RBFOX1: variants seen among roughly 807,000 people sequenced by gnomAD.
RBFOX1 encodes RNA binding fox-1 homolog 1, also known as RNA binding protein fox-1 homolog 1.
A neutral mutation model predicts 57.7 loss-of-function variants in RBFOX1; 8 were observed. That is an observed-to-expected ratio of 0.14 (90% CI 0.08 to 0.25). The LOEUF (loss-of-function observed/expected upper bound fraction) is 0.25. RBFOX1 is among the 10% of genes least tolerant of loss of function. The pLI, the probability that RBFOX1 is intolerant of heterozygous loss-of-function variation, is 1.00. For synonymous variants in RBFOX1, 326 were observed against 222.4 expected (o/e 1.47, Z -4.15); for missense variants, 611 against 548.5 (o/e 1.11, Z -1.14).
intron 3 of RBFOX1, among the ~76,000 whole-genome samples, chr16:5,610,087 T>G (rs2047721534): frequency 6.6e-6 from 1 of 152,194 alleles, no homozygotes; most frequent in Non-Finnish European, 1.5e-5. Context: ...TTTACTTACT[T>G]GCCGGCTTGC....
rs147535165 is a variant in RBFOX1 at position 6,580,121 on chromosome 16, G to C, written c.-63-74482G>C. On this transcript the variant is annotated intron_variant, in intron 2 of 15. Transcript: ENST00000550418. ...TTACAGGTGCCCACCACCGCACCTAGCTAACTTTTGTGTTTTTAGAAGAGA... is the reference window on the plus strand; with the variant it reads ...TTACAGGTGCCCACCACCGCACCTACCTAACTTTTGTGTTTTTAGAAGAGA... Among the ~76,000 whole-genome samples, 353 of 152,096 alleles carry C rather than the reference G, an allele frequency of 2.3e-3. 3 individuals are homozygous for C. Among genetic ancestry groups the C allele is most frequent in the Non-Finnish European group, 3.4e-3 (228 of 68,000 alleles).
At chr16:6,836,902 C>A (rs979808326) in intron 3 of RBFOX1, among the ~76,000 whole-genome samples, 35 of 152,058 alleles carry the variant, frequency 2.3e-4, no homozygotes, top group Admixed American at 6.6e-5. Flanking sequence ...ATTGAATCAG[C>A]GTTGCCAAGC....
intron 3 of RBFOX1, among the ~76,000 whole-genome samples, chr16:6,823,806 C>G (rs12598038): frequency 0.076 from 11,617 of 152,156 alleles, 855 homozygotes; most frequent in African/African-American, 0.16. Flanking sequence ...TAGGAGATTC[C>G]TACCTCTGGG....
intron 3 of RBFOX1, among the ~76,000 whole-genome samples, chr16:6,962,191 A>G (rs1294180026): frequency 2.0e-5 from 3 of 152,110 alleles, no homozygotes; most frequent in Admixed American, 6.5e-5. Context: ...TTATGGCAGA[A>G]TGACTCCAAC....
chr16:6,839,339 A>G (rs150818063), intron 3 of RBFOX1, among the ~76,000 whole-genome samples: 3 of 152,262 alleles, frequency 2.0e-5, no homozygotes, highest in East Asian at 1.9e-4. Flanking sequence ...TCACTCTACT[A>G]TTAACCCCAC....
chr16:6,923,986 A>G (rs1432802465), intron 3 of RBFOX1, among the ~76,000 whole-genome samples: 1 of 151,970 alleles, frequency 6.6e-6, no homozygotes, highest in East Asian at 1.9e-4. Flanking sequence ...CCTGGCCAAC[A>G]TGGTGAAACC....
At chr16:6,643,521 C>T (rs540002659) in intron 2 of RBFOX1, among the ~76,000 whole-genome samples, 2 of 152,218 alleles carry the variant, frequency 1.3e-5, no homozygotes, top group South Asian at 4.1e-4. Flanking sequence ...AAATTTTTAC[C>T]AACATCAGAG....
chr16:7,136,127 A>T (rs1006556524), intron 4 of RBFOX1, among the ~76,000 whole-genome samples: 4 of 152,224 alleles, frequency 2.6e-5, no homozygotes, highest in Non-Finnish European at 5.9e-5. Flanking sequence ...ATTGGCTGGA[A>T]ATGGTTTTCC....
chr16:6,492,468 C>T (rs1475230787), intron 2 of RBFOX1, among the ~76,000 whole-genome samples: 1 of 152,122 alleles, frequency 6.6e-6, no homozygotes, highest in East Asian at 1.9e-4. Flanking sequence ...ATTCAGGAGG[C>T]TGAGGCAGGA....
Position 6,557,737 on chromosome 16 carries a change from G to C in RBFOX1, c.-63-96866G>C, listed in dbSNP as rs1278327268. On this transcript the variant is annotated intron_variant, in intron 2 of 15. Coordinates refer to ENST00000550418, the MANE Select transcript of RBFOX1 (RefSeq NM_018723.4). ...GTTGCATAAGCATTTTCCTTCTTCG[G>C]TATAAATTGATTTGCTGTGAAAAAT... Among the ~76,000 whole-genome samples, 3 of 152,184 alleles carry C rather than the reference G, an allele frequency of 2.0e-5. No homozygotes were observed. In the South Asian group the frequency reaches 6.2e-4, roughly 31 times the overall value.
In RBFOX1 at chr16:5,341,846, C is replaced by A. The variant is rs117645753; in HGVS notation, c.219+101741C>A. On this transcript the variant is annotated intron_variant, in intron 1 of 2. Transcript: ENST00000585867. Reference sequence around the variant, plus strand: ...TTCGGACCATGTTAAGTTTGAGGGGCGAGTTAGGCATCCCAGCAGAGCTGC... The same window carrying A: ...TTCGGACCATGTTAAGTTTGAGGGGAGAGTTAGGCATCCCAGCAGAGCTGC... Among the ~76,000 whole-genome samples, 10 of 152,198 alleles carry A rather than the reference C, an allele frequency of 6.6e-5. No homozygotes were observed. In the East Asian group the frequency reaches 7.8e-4, roughly 12 times the overall value.
intron 2 of RBFOX1, among the ~76,000 whole-genome samples, chr16:5,567,347 T>G (rs1048851837): frequency 1.4e-4 from 22 of 152,310 alleles, no homozygotes; most frequent in African/African-American, 5.3e-4. Flanking sequence ...AGTTACTAGC[T>G]AACGTGTATC....
At position 5,789,930 on chromosome 16, in the gene RBFOX1, TGCG is replaced by T. The variant is rs562479716; in HGVS notation, c.319-77370_319-77368del. 1.6e-4 allele frequency among the ~76,000 whole-genome samples: 25 copies of T among 152,314 alleles called. No homozygotes were observed. The East Asian group carries it at 4.2e-3, about 26-fold the overall frequency. ...CCTGCAGTGTATGGGCTGTGCTAGC[TGCG>T]GCAATGGTGGCTGCTATAACAGATA... is the stretch of plus-strand genomic sequence containing the variant. On this transcript the variant is annotated intron_variant, in intron 3 of 19. Coordinates refer to the RBFOX1 transcript ENST00000641259.
intron 5 of RBFOX1, among the ~76,000 whole-genome samples, chr16:7,532,879 C>T (rs1192588994): frequency 2.6e-5 from 4 of 152,118 alleles, no homozygotes; most frequent in African/African-American, 9.7e-5. Flanking sequence ...TTTGGCAACC[C>T]CCGATCTAGG....
chr16:5,824,370 C>G (rs147552881), intron 3 of RBFOX1, among the ~76,000 whole-genome samples: 2 of 152,310 alleles, frequency 1.3e-5, no homozygotes, highest in East Asian at 1.9e-4. Context: ...GTCTGTCTCC[C>G]TCCTTGACAG....
At chr16:6,235,918 G>A (rs1422642631) in intron 1 of RBFOX1, among the ~76,000 whole-genome samples, 1 of 151,988 alleles carries the variant, frequency 6.6e-6, no homozygotes, top group Non-Finnish European at 1.5e-5. Context: ...TATACTGCTC[G>A]GGTGATGGGT....
intron 4 of RBFOX1, among the ~76,000 whole-genome samples, chr16:7,506,556 C>T (rs2073365122): frequency 6.6e-6 from 1 of 151,968 alleles, no homozygotes; most frequent in South Asian, 2.1e-4. Flanking sequence ...ATCGTCATCA[C>T]CATCACCATT....
At chr16:6,473,835 T>C (rs749734502) in intron 2 of RBFOX1, among the ~76,000 whole-genome samples, 1 of 152,106 alleles carries the variant, frequency 6.6e-6, no homozygotes, top group Non-Finnish European at 1.5e-5. Flanking sequence ...TTGTGATCGG[T>C]TAAGGTGCAC....
At chr16:7,506,041 C>T (rs542979397) in intron 4 of RBFOX1, among the ~76,000 whole-genome samples, 20 of 151,768 alleles carry the variant, frequency 1.3e-4, no homozygotes, top group Admixed American at 9.2e-4. Context: ...AAAAGATAGC[C>T]GGGCATGGTG....
Sources: allele counts gnomAD v4.1 joint callset (sites outside exome capture counted in the v4.1 genomes callset), GRCh38; gene constraint gnomAD v4.1.1; transcripts MANE v1.5; gene names NCBI Gene and HGNC (gene_info 2026-07-23, HGNC 2026-07-21).